Variants in NPSR1 observed in about 807,000 individuals in gnomAD.
NPSR1 encodes the protein neuropeptide S receptor.
A neutral mutation model predicts 46.9 loss-of-function variants in NPSR1; 48 were observed. The ratio of observed to expected loss-of-function variants is 1.02; its 90% CI spans 0.81 to 1.30. NPSR1 has a LOEUF of 1.30. Ranked by LOEUF, NPSR1 falls within the 50% of genes most tolerant of loss-of-function variation. NPSR1 has a pLI of 0.00. For missense variants in NPSR1, 450 were observed against 449.5 expected (o/e 1.00, Z -0.01); for synonymous variants, 176 against 168.1 (o/e 1.05, Z -0.36).
chr7:34,708,274 C>A (rs1794208342), intron 2 of NPSR1, among the ~76,000 whole-genome samples: 1 of 152,150 alleles, frequency 6.6e-6, no homozygotes, highest in Admixed American at 6.5e-5. Flanking sequence ...GGAAGGAACC[C>A]TTCCCAGCAG....
chr7:34,763,467 AAAT>A (rs762681483), intron 2 of NPSR1, among the ~76,000 whole-genome samples: 2 of 152,198 alleles, frequency 1.3e-5, no homozygotes, highest in Non-Finnish European at 2.9e-5. Flanking sequence ...GCTGAACTAA[AAAT>A]AATAATCTCT....
chr7:34,835,513 G>C (rs1187127539), intron 6 of NPSR1, among the ~76,000 whole-genome samples: 3 of 152,196 alleles, frequency 2.0e-5, no homozygotes, highest in African/African-American at 7.2e-5. Context: ...CCTCTTTTCA[G>C]ACTGTGAGCT....
chr7:34,812,675 C>A (rs1319158255), intron 4 of NPSR1, among the ~76,000 whole-genome samples: 2 of 152,118 alleles, frequency 1.3e-5, no homozygotes, highest in Non-Finnish European at 1.5e-5. Flanking sequence ...ACTGCTCTGC[C>A]CACAATCAGA....
chr7:34,658,652 G>A, intron 1 of NPSR1, 93 bp downstream of exon 1: 1 of 1,200,596 alleles, frequency 8.3e-7, no homozygotes, highest in Non-Finnish European at 1.2e-6. Context: ...AGCCAGTATT[G>A]TGAATGAGTG....
At chr7:34,693,358 A>C (rs1793360288) in intron 2 of NPSR1, among the ~76,000 whole-genome samples, 1 of 152,206 alleles carries the variant, frequency 6.6e-6, no homozygotes, top group South Asian at 2.1e-4. Flanking sequence ...AGAGATGACT[A>C]TGAACACCTC....
chr7:34,746,085 C>T (rs915503675), intron 2 of NPSR1, among the ~76,000 whole-genome samples: 2 of 152,212 alleles, frequency 1.3e-5, no homozygotes, highest in Non-Finnish European at 2.9e-5. Context: ...AAGCATCCAT[C>T]GATACAATCA....
At chr7:34,706,049 C>A (rs1794090164) in intron 2 of NPSR1, among the ~76,000 whole-genome samples, 1 of 151,642 alleles carries the variant, frequency 6.6e-6, no homozygotes, top group African/African-American at 2.4e-5. Flanking sequence ...ATCTTGAATT[C>A]ATAACTCAAA....
intron 2 of NPSR1, among the ~76,000 whole-genome samples, chr7:34,709,656 T>G (rs1783174973): frequency 6.6e-6 from 1 of 152,218 alleles, no homozygotes; most frequent in Non-Finnish European, 1.5e-5. Flanking sequence ...AACTTACTTA[T>G]TTATTGAATT....
chr7:34,714,859 G>A (rs930491522), intron 2 of NPSR1, among the ~76,000 whole-genome samples: 6 of 152,188 alleles, frequency 3.9e-5, no homozygotes, highest in African/African-American at 7.2e-5. Context: ...TTATTTGGAA[G>A]GATGTAAGAC....
intron 2 of NPSR1, 42 bp from the exon 3 acceptor site, chr7:34,778,420 A>G: frequency 8.6e-7 from 1 of 1,168,680 alleles, no homozygotes; most frequent in Non-Finnish European, 1.2e-6. Flanking sequence ...AAATAAAAAT[A>G]AAAATAAACC....
intron 3 of NPSR1, among the ~76,000 whole-genome samples, chr7:34,806,759 G>A (rs1360113601): frequency 6.6e-6 from 1 of 152,078 alleles, no homozygotes; most frequent in Non-Finnish European, 1.5e-5. Flanking sequence ...GAGTCATAGG[G>A]AAACCCTCTG....
intron 2 of NPSR1, among the ~76,000 whole-genome samples, chr7:34,746,537 T>A (rs766853022): frequency 5.9e-5 from 9 of 152,210 alleles, no homozygotes; most frequent in Admixed American, 3.3e-4. Context: ...AACATATCCC[T>A]CACAGATAAG....
intron 8 of NPSR1, among the ~76,000 whole-genome samples, chr7:34,866,071 T>C (rs1791308493): frequency 6.6e-6 from 1 of 151,824 alleles, no homozygotes; most frequent in Admixed American, 6.5e-5. Context: ...TCCACTTCAA[T>C]GTGCTTGCCA....
At chr7:34,844,824 T>A in intron 6 of NPSR1, 72 bp from the exon 7 acceptor site, 1 of 954,210 alleles carries the variant, frequency 1.0e-6, no homozygotes, top group Non-Finnish European at 1.7e-6. Flanking sequence ...ACCTTTAATG[T>A]TCCTATTGGC....
chr7:34,664,146 C>T (rs952731554), intron 1 of NPSR1, among the ~76,000 whole-genome samples: 1 of 152,162 alleles, frequency 6.6e-6, no homozygotes, highest in African/African-American at 2.4e-5. Context: ...TAAACTCAGG[C>T]TTTTGAGCTT....
chr7:34,745,647 T>G (rs906313903), intron 2 of NPSR1, among the ~76,000 whole-genome samples: 11 of 152,144 alleles, frequency 7.2e-5, no homozygotes, highest in African/African-American at 2.7e-4. Flanking sequence ...GCCTCCCAAG[T>G]AGCTGGAACT....
intron 4 of NPSR1, among the ~76,000 whole-genome samples, chr7:34,820,904 G>A (rs1789521058): frequency 1.3e-5 from 2 of 152,100 alleles, no homozygotes; most frequent in African/African-American, 2.4e-5. Flanking sequence ...CCTCTTCAGG[G>A]AGACTATGTT....
intron 2 of NPSR1, among the ~76,000 whole-genome samples, chr7:34,699,904 G>C (rs1440531773): frequency 2.0e-5 from 3 of 152,146 alleles, no homozygotes; most frequent in Admixed American, 2.0e-4. Context: ...AGCTTCATAT[G>C]TCTTGCTAAG....
intron 2 of NPSR1, among the ~76,000 whole-genome samples, chr7:34,765,598 C>T (rs1786389753): frequency 6.6e-6 from 1 of 152,130 alleles, no homozygotes; most frequent in African/African-American, 2.4e-5. Flanking sequence ...AACTGTTCTC[C>T]CAAAAGGACG....
Sources: allele counts gnomAD v4.1 joint callset (sites outside exome capture counted in the v4.1 genomes callset), GRCh38; gene constraint gnomAD v4.1.1; transcripts MANE v1.5; gene names NCBI Gene and HGNC (gene_info 2026-07-23, HGNC 2026-07-21).